COL4A4: variants seen among roughly 807,000 people sequenced by gnomAD.
COL4A4 encodes collagen alpha-4(IV) chain.
Under a neutral mutation model 192.9 loss-of-function variants are expected in COL4A4, and 105 were observed. The ratio of observed to expected loss-of-function variants is 0.54; its 90% CI spans 0.46 to 0.64. The LOEUF is 0.64. Among genes scored for constraint, COL4A4 ranks in the 30% least tolerant of loss-of-function variants. COL4A4 has a pLI of 0.00. For missense variants in COL4A4, 1,967 were observed against 2,169.3 expected, an observed-to-expected ratio of 0.91 and a Z score of 1.85; for synonymous variants, 762 against 769.9, an observed-to-expected ratio of 0.99 and a Z score of 0.17.
intron 4 of COL4A4, among the ~76,000 whole-genome samples, chr2:227,130,699 C>A (rs937218457): frequency 6.6e-6 from 1 of 152,234 alleles, no homozygotes; most frequent in Non-Finnish European, 1.5e-5. Context: ...ACCTTTCTTT[C>A]TGAGTGCCAG....
chr2:227,007,245 G>A lies in COL4A4; in HGVS notation c.*80C>T, dbSNP rs898057111. 5 of 1,588,366 alleles carry A rather than the reference G, an allele frequency of 3.1e-6. No individual in the cohort carries two copies. Among genetic ancestry groups the A allele is most frequent in the Non-Finnish European group, 4.3e-6 (5 of 1,157,548 alleles). ...AAAGGGAGTCCAAAATGAGCACCAT[G>A]ACATCTCTTAGCACAGTCTAGGAAG... On this transcript the variant is annotated 3_prime_UTR_variant, in exon 48 of 48. Coordinates refer to ENST00000396625, the MANE Select transcript of COL4A4 (RefSeq NM_000092.5).
Position 227,088,825 on chromosome 2 carries a change from AG to A in COL4A4, c.1460-10del, listed in dbSNP as rs1304196658. On this transcript the variant is annotated splice_polypyrimidine_tract_variant and intron_variant, in intron 21 of 47. Coordinates refer to ENST00000396625, the MANE Select transcript of COL4A4 (RefSeq NM_000092.5). ...ACAGAGTCCTTCATTTCCTAGACAG[AG>A]GATCAATGGCAGATTTGTCATATTT... 6.2e-7 allele frequency: 1 copy of A among 1,614,068 alleles called. No individual in the cohort carries two copies. The highest frequency in any genetic ancestry group is 2.2e-5 in the East Asian group (1 of 44,878).
intron 4 of COL4A4, among the ~76,000 whole-genome samples, chr2:227,134,422 A>G (rs1402274539): frequency 6.6e-6 from 1 of 152,188 alleles, no homozygotes; most frequent in African/African-American, 2.4e-5. Flanking sequence ...TCTAATTGTC[A>G]CTGGAACTTG....
At chr2:227,128,030 C>T (rs1376199870) in intron 4 of COL4A4, among the ~76,000 whole-genome samples, 1 of 152,188 alleles carries the variant, frequency 6.6e-6, no homozygotes, top group Non-Finnish European at 1.5e-5. Context: ...GATTATGTGG[C>T]TGCCATGCTC....
At chr2:227,135,782 A>C (rs2062774443) in intron 4 of COL4A4, among the ~76,000 whole-genome samples, 1 of 152,128 alleles carries the variant, frequency 6.6e-6, no homozygotes, top group Non-Finnish European at 1.5e-5. Flanking sequence ...AGCTGGGATT[A>C]CAGGCGCCCG....
chr2:227,110,501 GCCT>G (rs1306885882), intron 9 of COL4A4, among the ~76,000 whole-genome samples: 1 of 152,034 alleles, frequency 6.6e-6, no homozygotes, highest in Non-Finnish European at 1.5e-5. Flanking sequence ...CTCTGCCTCA[GCCT>G]CCCAAGTAGC....
rs886055699 is a variant in COL4A4 at position 227,002,932 on chromosome 2, C to G, written c.*4393G>C. The G allele has an allele frequency of 6.6e-6, 1 of 152,642 alleles. No homozygotes were observed. Among genetic ancestry groups the G allele is most frequent in the African/African-American group, 2.4e-5 (1 of 41,470 alleles). 9.5% of individuals were successfully genotyped at this position (152,642 alleles called of 1,614,324 possible). ...TTAAATATTTAAGCACCATAAAATT[C>G]AAGCATTTCACATGGATGTGGCAGC... On this transcript the variant is annotated 3_prime_UTR_variant, in exon 48 of 48. Coordinates refer to ENST00000396625, the MANE Select transcript of COL4A4 (RefSeq NM_000092.5).
At position 227,051,158 on chromosome 2, in the gene COL4A4, C is replaced by T. The variant is rs759591544; in HGVS notation, c.2969G>A (p.Gly990Asp). ...TTGCATCCCGGGAGTTCCTTTATCA[C>T]CTGATGAAGTTGGAAGTGTTACAGG... ...PGDDGFPGER[G>D]DKGTPGMQGR... is the part of the protein sequence containing the mutation. The change falls in exon 33 of 48, where the codon GGT (glycine) becomes GAT (aspartate). Residue 990 changes from glycine (G) to aspartate (D), a missense_variant and splice_region_variant. Transcript: ENST00000396625. 7.4e-6 allele frequency: 12 copies of T among 1,614,094 alleles called. 1 individual carries two copies. In the South Asian group the frequency reaches 1.3e-4, roughly 18 times the overall value.
chr2:227,066,740 C>G (rs923606802), intron 25 of COL4A4, among the ~76,000 whole-genome samples: 1 of 151,136 alleles, frequency 6.6e-6, no homozygotes, highest in Non-Finnish European at 1.5e-5. Context: ...AAGGAACAAC[C>G]GGTACCAGCT....
Position 227,149,081 on chromosome 2 carries a change from T to C in COL4A4, c.-101-1497A>G, listed in dbSNP as rs540685342. On this transcript the variant is annotated intron_variant, in intron 1 of 47. Transcript: ENST00000396625. The stretch of plus-strand genomic sequence containing the variant: ...CCAGGCTGGTCTTGAACTCCTGACC[T>C]CAGGTGATCAGCCTGCCTCAGCCTC... Among the ~76,000 whole-genome samples, 7 of 152,244 alleles carry C rather than the reference T, an allele frequency of 4.6e-5. No individual in the cohort carries two copies. In the East Asian group the frequency reaches 1.4e-3, roughly 29 times the overall value.
chr2:227,008,444 G>A (rs1962715400), intron 46 of COL4A4, 140 bp from the exon 47 acceptor site: 1 of 995,436 alleles, frequency 1.0e-6, no homozygotes, highest in East Asian at 2.6e-5. Context: ...CTGTGGTGAG[G>A]AAGCCATTTC....
At chr2:227,092,198 A>G (rs771646078) in intron 20 of COL4A4, among the ~76,000 whole-genome samples, 6 of 152,186 alleles carry the variant, frequency 3.9e-5, no homozygotes, top group Non-Finnish European at 7.4e-5. Flanking sequence ...TGCCATCAAA[A>G]TCCTGAGGGA....
At chr2:226,981,282 G>A in the COL4A4 span, among the ~76,000 whole-genome samples, 1 of 152,114 alleles carries the variant, frequency 6.6e-6, no homozygotes, top group Non-Finnish European at 1.5e-5. Flanking sequence ...GAGTTGATGG[G>A]TGCAGCGGGC....
intron 13 of COL4A4, among the ~76,000 whole-genome samples, chr2:227,103,402 A>G (rs1576524410): frequency 6.6e-6 from 1 of 152,216 alleles, no homozygotes; most frequent in African/African-American, 2.4e-5. Flanking sequence ...TATATGGGAT[A>G]CCACAGTGGA....
In COL4A4 at chr2:227,099,961, T is replaced by C. The variant is rs575459851; in HGVS notation, c.1030-272A>G. The stretch of plus-strand genomic sequence containing the variant: ...AGTGAAATTATTCTATGCCTATAAA[T>C]TGGATACCTCTGATGTCACCAAGTT... On this transcript the variant is annotated intron_variant, in intron 17 of 47. Transcript: ENST00000396625. Among the ~76,000 whole-genome samples, 22 of 152,324 alleles carry C rather than the reference T, an allele frequency of 1.4e-4. No homozygotes were observed. In the South Asian group the frequency reaches 4.6e-3, roughly 32 times the overall value.
downstream of COL4A4, among the ~76,000 whole-genome samples, chr2:227,001,924 A>G (rs568218181): frequency 3.8e-4 from 58 of 152,270 alleles, no homozygotes; most frequent in South Asian, 6.2e-4. Flanking sequence ...TGTAATCCCA[A>G]TGCTTTGGAA....
chr2:227,090,055 G>A lies in COL4A4; in HGVS notation c.1370-98C>T, dbSNP rs183249717. 272 of 895,944 alleles carry A rather than the reference G, an allele frequency of 3.0e-4. 4 individuals carry two copies. The East Asian group carries it at 6.6e-3, about 22-fold the overall frequency. 55.5% of individuals were successfully genotyped at this position (895,944 alleles called of 1,614,324 possible). A position where few individuals can be genotyped will look rare whatever the true frequency, so the allele number is the denominator to read the frequency against. On this transcript the variant is annotated intron_variant, in intron 20 of 47. Coordinates refer to ENST00000396625, the MANE Select transcript of COL4A4 (RefSeq NM_000092.5). ...CTTTTGCACTCACATCCTCCCCCAC[G>A]TGCTTCCTTTCCCAACCCCATTCTT...
At chr2:226,977,487 G>A in the COL4A4 span, among the ~76,000 whole-genome samples, 6 of 152,116 alleles carry the variant, frequency 3.9e-5, no homozygotes, top group African/African-American at 1.2e-4. Flanking sequence ...TTGGAAAGGC[G>A]AGCAAAGTTC....
intron 37 of COL4A4, among the ~76,000 whole-genome samples, chr2:227,041,842 A>AGAGAGAGAGAG (rs1559477918): frequency 1.6e-5 from 1 of 62,740 alleles, no homozygotes; most frequent in African/African-American, 8.6e-5. Context: ...GAAAGAAAGA[A>AGAGAGAGAGAG]AGAAAGAGAA....
Sources: allele counts gnomAD v4.1 joint callset (sites outside exome capture counted in the v4.1 genomes callset), GRCh38; gene constraint gnomAD v4.1.1; transcripts MANE v1.5; gene names NCBI Gene and HGNC (gene_info 2026-07-23, HGNC 2026-07-21).